The following DACH1 variants were observed in gnomAD, a reference collection of about 807,000 sequenced individuals.
The protein encoded by DACH1 is dachshund family transcription factor 1, also known as dachshund homolog 1.
In DACH1, 12 loss-of-function variants were observed where a neutral mutation model predicts 54.2. The ratio of observed to expected loss-of-function variants is 0.22; its 90% CI spans 0.14 to 0.36. DACH1 has a LOEUF of 0.36. Ranked by LOEUF, DACH1 falls within the 10% of genes least tolerant of loss-of-function variation. DACH1 has a pLI of 1.00. For missense variants in DACH1, 805 were observed against 929.8 expected (o/e 0.87, Z 1.75); for synonymous variants, 386 against 366.2 (o/e 1.05, Z -0.62).
chr13:71,738,558 C>G (rs748618255), intron 1 of DACH1, among the ~76,000 whole-genome samples: 1 of 151,138 alleles, frequency 6.6e-6, no homozygotes, highest in African/African-American at 2.4e-5. Flanking sequence ...TATGGTGAAA[C>G]CCCATCTCTA....
At chr13:71,735,565 T>TGTATATGGGATATACAC (rs1884060838) in intron 1 of DACH1, among the ~76,000 whole-genome samples, 1 of 17,640 alleles carries the variant, frequency 5.7e-5, no homozygotes, top group African/African-American at 8.0e-5. Flanking sequence ...GGGATATACG[T>TGTATATGGGATATACAC]GTATATGGGA....
intron 10 of DACH1, among the ~76,000 whole-genome samples, chr13:71,474,177 A>T (rs1877321482): frequency 6.6e-6 from 1 of 152,132 alleles, no homozygotes; most frequent in Non-Finnish European, 1.5e-5. Flanking sequence ...TTCTTTCCTC[A>T]AAAATGTTTC....
chr13:71,686,738 A>T (rs1468894560), intron 1 of DACH1, among the ~76,000 whole-genome samples: 12 of 152,238 alleles, frequency 7.9e-5, no homozygotes, highest in Non-Finnish European at 1.8e-4. Flanking sequence ...TCAGAAAAAC[A>T]AAAACAAAAA....
At chr13:71,670,916 T>C (rs797012758) in intron 2 of DACH1, among the ~76,000 whole-genome samples, 88 of 152,158 alleles carry the variant, frequency 5.8e-4, no homozygotes, top group African/African-American at 2.0e-3. Context: ...TCAATTATTA[T>C]ATATTTTAAA....
chr13:71,512,539 G>A (rs546891890), intron 6 of DACH1, among the ~76,000 whole-genome samples: 19 of 151,930 alleles, frequency 1.3e-4, no homozygotes, highest in East Asian at 7.8e-4. Context: ...AGAATTTGGC[G>A]TGAACACAAA....
At chr13:71,603,995 T>C (rs1874699400) in intron 3 of DACH1, among the ~76,000 whole-genome samples, 1 of 151,922 alleles carries the variant, frequency 6.6e-6, no homozygotes, top group South Asian at 2.1e-4. Flanking sequence ...TATATCTAAT[T>C]AGTCTCCTAG....
At chr13:71,684,114 C>T (rs1236229950) in intron 1 of DACH1, among the ~76,000 whole-genome samples, 1 of 152,086 alleles carries the variant, frequency 6.6e-6, no homozygotes, top group African/African-American at 2.4e-5. Flanking sequence ...TATATCCCCA[C>T]TCCTACCTTC....
chr13:71,725,637 T>C (rs1883434835), intron 1 of DACH1, among the ~76,000 whole-genome samples: 1 of 152,156 alleles, frequency 6.6e-6, no homozygotes, highest in East Asian at 1.9e-4. Flanking sequence ...AGATGTTCTT[T>C]ACATAAACAC....
chr13:71,816,225 G>C (rs1887916842), intron 1 of DACH1, among the ~76,000 whole-genome samples: 1 of 152,110 alleles, frequency 6.6e-6, no homozygotes. Context: ...ACACAGTCAG[G>C]GGTTTCTTTG....
chr13:71,581,037 CT>C (rs11409245), intron 3 of DACH1, among the ~76,000 whole-genome samples: 3,995 of 141,802 alleles, frequency 0.028, 108 homozygotes, highest in African/African-American at 0.064. Context: ...AAGCCTGTGT[CT>C]TTTTTTTTTT....
intron 10 of DACH1, among the ~76,000 whole-genome samples, chr13:71,447,897 A>G (rs1245464190): frequency 6.6e-6 from 1 of 152,184 alleles, no homozygotes; most frequent in Non-Finnish European, 1.5e-5. Context: ...TCAAATTGAC[A>G]CCAAAAAATC....
At chr13:71,589,006 T>C (rs1194041503) in intron 3 of DACH1, among the ~76,000 whole-genome samples, 1 of 151,848 alleles carries the variant, frequency 6.6e-6, no homozygotes, top group African/African-American at 2.4e-5. Context: ...AAAATATCAC[T>C]CCCTATGAAA....
At chr13:71,808,575 T>A (rs925611527) in intron 1 of DACH1, among the ~76,000 whole-genome samples, 1 of 152,162 alleles carries the variant, frequency 6.6e-6, no homozygotes, top group Admixed American at 6.5e-5. Context: ...TAATAAAACA[T>A]CATGAGATGT....
chr13:71,531,382 TAAA>T lies in DACH1; in HGVS notation c.1570+25639_1570+25641del, dbSNP rs1425069386. Among the ~76,000 whole-genome samples the T allele has an allele frequency of 8.7e-5, 12 of 138,362 alleles. No homozygotes were observed. In the East Asian group the frequency reaches 2.4e-3, roughly 28 times the overall value. The allele number at this position is 138,362 out of a possible 152,430, so 90.8% of individuals were successfully genotyped here. The stretch of plus-strand genomic sequence containing the variant: ...AAGGAGGTCTTCATAACTTTATAAA[TAAA>T]GAAGAGATATTTGTCCTTGAATAAG... On this transcript the variant is annotated intron_variant, in intron 6 of 10. Coordinates refer to ENST00000613252, the MANE Select transcript of DACH1 (RefSeq NM_080759.6).
intron 6 of DACH1, among the ~76,000 whole-genome samples, chr13:71,524,099 A>G (rs1012476704): frequency 6.6e-6 from 1 of 152,134 alleles, no homozygotes; most frequent in Non-Finnish European, 1.5e-5. Flanking sequence ...AAAACCCTAA[A>G]TTTAACTTGT....
intron 2 of DACH1, among the ~76,000 whole-genome samples, chr13:71,633,509 GATTT>G (rs984987513): frequency 6.6e-6 from 1 of 152,006 alleles, no homozygotes; most frequent in African/African-American, 2.4e-5. Flanking sequence ...TTATTTAGCT[GATTT>G]ATTTATAGTA....
At chr13:71,806,389 G>T (rs1339372558) in intron 1 of DACH1, among the ~76,000 whole-genome samples, 1 of 152,046 alleles carries the variant, frequency 6.6e-6, no homozygotes, top group African/African-American at 2.4e-5. Context: ...GTTATACCCT[G>T]GGAAAATGGA....
At chr13:71,658,581 C>T (rs1879291244) in intron 2 of DACH1, among the ~76,000 whole-genome samples, 1 of 152,042 alleles carries the variant, frequency 6.6e-6, no homozygotes, top group Non-Finnish European at 1.5e-5. Context: ...GCACTATATC[C>T]ATGTAATGTA....
chr13:71,533,733 TTC>T (rs372180782), intron 6 of DACH1, among the ~76,000 whole-genome samples: 6 of 149,298 alleles, frequency 4.0e-5, no homozygotes, highest in Admixed American at 6.7e-5. Context: ...CTCTGTCTCA[TTC>T]TCTCTCTCTC....
Sources: gnomAD v4.1 joint callset for allele counts (sites outside exome capture counted in the v4.1 genomes callset) on GRCh38, gnomAD v4.1.1 for gene constraint, MANE v1.5 for transcripts, NCBI Gene and HGNC (gene_info 2026-07-23, HGNC 2026-07-21) for gene names.